The following ATF7IP2 variants were observed in gnomAD, a reference collection of about 807,000 sequenced individuals.
ATF7IP2 encodes the protein activating transcription factor 7-interacting protein 2.
ATF7IP2 carries 42 observed loss-of-function variants against 64.2 expected under a neutral mutation model. The ratio of observed to expected loss-of-function variants is 0.65; its 90% confidence interval spans 0.51 to 0.85. The LOEUF (loss-of-function observed/expected upper bound fraction) is 0.85, where lower values mean the gene tolerates loss of function less well. Ranked by LOEUF, ATF7IP2 falls within the 40% of genes least tolerant of loss-of-function variation. The probability of loss-of-function intolerance (pLI) is 0.00; values close to 1 mark genes in which losing one functional copy is unlikely to be tolerated. For synonymous variants in ATF7IP2, 308 were observed against 272.8 expected (o/e 1.13, Z -1.27); for missense variants, 933 against 784.2 (o/e 1.19, Z -2.27).
Position 10,446,463 on chromosome 16 carries a change from A to C in ATF7IP2, c.1194+6001A>C, listed in dbSNP as rs190585228. ...TTTTGACTTGTTCCCTCCAGTCTTT[A>C]GGGGGTGAAGGAGTACAGGTCCTTG... On this transcript the variant is annotated intron_variant, in intron 8 of 13. Transcript: ENST00000562102. 2.2e-3 allele frequency: 341 copies of C among 152,306 alleles called. 1 individual carries two copies. The highest frequency in any genetic ancestry group is 7.9e-3 in the African/African-American group (329 of 41,572). The allele number at this position is 152,306 out of a possible 1,614,324, so 9.4% of individuals were successfully genotyped here.
chr16:10,424,709 C>T (rs920467495), intron 3 of ATF7IP2, among the ~76,000 whole-genome samples: 1 of 152,132 alleles, frequency 6.6e-6, no homozygotes, highest in Non-Finnish European at 1.5e-5. Context: ...AAAGAAGATG[C>T]ACAAGCCTCC....
intron 8 of ATF7IP2, among the ~76,000 whole-genome samples, chr16:10,455,354 C>T (rs1163809077): frequency 6.6e-6 from 1 of 152,194 alleles, no homozygotes; most frequent in Non-Finnish European, 1.5e-5. Context: ...GAATGAAGTA[C>T]ACTGAAGATG....
intron 6 of ATF7IP2, among the ~76,000 whole-genome samples, chr16:10,436,310 C>T (rs887835641): frequency 3.3e-5 from 5 of 151,962 alleles, no homozygotes; most frequent in African/African-American, 9.7e-5. Context: ...TGCAGTGAGC[C>T]GGGATCACGC....
intron 8 of ATF7IP2, among the ~76,000 whole-genome samples, chr16:10,444,336 C>T (rs1002848047): frequency 6.6e-6 from 1 of 151,960 alleles, no homozygotes; most frequent in East Asian, 1.9e-4. Context: ...GATGGGTCTA[C>T]CCTTTCTTAA....
intron 1 of ATF7IP2, chr16:10,387,095 A>T (rs2047217924): frequency 6.6e-6 from 1 of 152,182 alleles, no homozygotes; most frequent in African/African-American, 2.4e-5. Flanking sequence ...GTTATTCTAG[A>T]TTGCGACTTA....
At chr16:10,421,612 C>A (rs770520002) in intron 3 of ATF7IP2, among the ~76,000 whole-genome samples, 3 of 152,132 alleles carry the variant, frequency 2.0e-5, no homozygotes, top group Non-Finnish European at 2.9e-5. Context: ...GAGTAGTAGT[C>A]TGAATTTTGT....
intron 11 of ATF7IP2, 103 bp downstream of exon 11, chr16:10,473,637 TACAC>T: frequency 1.2e-6 from 1 of 839,698 alleles, no homozygotes; most frequent in Non-Finnish European, 1.9e-6. Context: ...TAGTCCACGT[TACAC>T]ACTGAAAAGC....
chr16:10,400,801 C>G (rs2047515758), intron 1 of ATF7IP2, among the ~76,000 whole-genome samples: 4 of 152,186 alleles, frequency 2.6e-5, no homozygotes, highest in Admixed American at 1.3e-4. Context: ...TATGCCTCAG[C>G]CTCCTGAGTA....
intron 9 of ATF7IP2, among the ~76,000 whole-genome samples, chr16:10,458,619 A>G (rs965436118): frequency 1.3e-5 from 2 of 152,226 alleles, no homozygotes; most frequent in African/African-American, 2.4e-5. Flanking sequence ...GGTGAGTTTT[A>G]TAAAATATTT....
chr16:10,438,138 A>C lies in ATF7IP2; in HGVS notation c.998A>C (p.Asn333Thr), dbSNP rs529019012. The C allele has an allele frequency of 6.3e-7, 1 of 1,598,144 alleles. No individual in the cohort carries two copies. Among genetic ancestry groups the C allele is most frequent in the East Asian group, 2.3e-5 (1 of 43,272 alleles). Residue 333 changes from asparagine to threonine, a missense_variant, in exon 7 of 14, where the codon AAT (asparagine) becomes ACT (threonine). Transcript: ENST00000562102. Reference protein sequence around the residue: ...HLIQQEIYSINYELFDKKLKE... With the variant: ...HLIQQEIYSITYELFDKKLKE... ...ATTCAGCAGGAGATCTATAGCATAAATTATGAACTATTTGATAAGAAACTG... is the reference window on the plus strand; with the variant it reads ...ATTCAGCAGGAGATCTATAGCATAACTTATGAACTATTTGATAAGAAACTG...
intron 8 of ATF7IP2, chr16:10,446,063 A>G (rs897690587): frequency 2.0e-5 from 3 of 152,342 alleles, no homozygotes; most frequent in East Asian, 1.9e-4. Context: ...TTCAAGCCCT[A>G]CTTCTTCAAG....
At chr16:10,442,273 T>G (rs76198108) in intron 8 of ATF7IP2, among the ~76,000 whole-genome samples, 2,506 of 152,314 alleles carry the variant, frequency 0.016, 56 homozygotes, top group African/African-American at 0.057. Flanking sequence ...AACTTGTTTG[T>G]TCCTAACAAT....
intron 8 of ATF7IP2, among the ~76,000 whole-genome samples, chr16:10,456,075 G>T (rs1214328494): frequency 6.6e-6 from 1 of 152,002 alleles, no homozygotes; most frequent in Non-Finnish European, 1.5e-5. Flanking sequence ...CGCCTCCTGG[G>T]TTCAATCAAT....
chr16:10,465,419 G>C (rs1056210541), intron 9 of ATF7IP2, among the ~76,000 whole-genome samples: 2 of 151,906 alleles, frequency 1.3e-5, no homozygotes, highest in East Asian at 1.9e-4. Flanking sequence ...AAAATTATCA[G>C]TTTCCTCAGT....
chr16:10,464,938 C>G (rs775790104), intron 9 of ATF7IP2, among the ~76,000 whole-genome samples: 1 of 152,188 alleles, frequency 6.6e-6, no homozygotes, highest in Non-Finnish European at 1.5e-5. Flanking sequence ...TTAGGTGATT[C>G]TTCCGCCTCA....
intron 1 of ATF7IP2, among the ~76,000 whole-genome samples, chr16:10,408,855 C>T (rs2047694534): frequency 6.6e-6 from 1 of 152,172 alleles, no homozygotes; most frequent in African/African-American, 2.4e-5. Flanking sequence ...TAAGTCCTGC[C>T]TATTCATCTT....
At chr16:10,425,120 T>A (rs1040898462) in intron 3 of ATF7IP2, among the ~76,000 whole-genome samples, 3 of 149,764 alleles carry the variant, frequency 2.0e-5, no homozygotes, top group African/African-American at 7.4e-5. Context: ...GTGCAATGGC[T>A]CAATCTCGGC....
intron 3 of ATF7IP2, among the ~76,000 whole-genome samples, chr16:10,425,705 C>T (rs2048070895): frequency 6.6e-6 from 1 of 151,992 alleles, no homozygotes; most frequent in African/African-American, 2.4e-5. Flanking sequence ...ACCAGCCTGA[C>T]CAACACTGAG....
chr16:10,457,727 G>T, intron 9 of ATF7IP2, 198 bp downstream of exon 9: 1 of 402,552 alleles, frequency 2.5e-6, no homozygotes, highest in Non-Finnish European at 4.3e-6. Context: ...TGTTTTTTGA[G>T]ATAGGGTCTC....
Sources: allele counts gnomAD v4.1 joint callset (sites outside exome capture counted in the v4.1 genomes callset), GRCh38; gene constraint gnomAD v4.1.1; transcripts MANE v1.5; gene names NCBI Gene and HGNC (gene_info 2026-07-23, HGNC 2026-07-21).